The following VPS13A variants were observed in gnomAD, a reference collection of about 807,000 sequenced individuals.
VPS13A encodes the protein intermembrane lipid transfer protein VPS13A.
A neutral mutation model predicts 390.9 loss-of-function variants in VPS13A; 264 were observed. The ratio of observed to expected loss-of-function variants is 0.68; its 90% confidence interval spans 0.61 to 0.75. VPS13A has a LOEUF of 0.75. Ranked by LOEUF, VPS13A falls within the 30% of genes least tolerant of loss-of-function variation. VPS13A has a pLI of 0.00. For missense variants in VPS13A, 3,409 were observed against 3,733.9 expected (o/e 0.91, Z 2.27); for synonymous variants, 1,231 against 1,227.1 (o/e 1.00, Z -0.07).
chr9:77,290,756 A>G (rs751761469), intron 31 of VPS13A, among the ~76,000 whole-genome samples: 1 of 152,136 alleles, frequency 6.6e-6, no homozygotes, highest in African/African-American at 2.4e-5. Context: ...TTATGTTACC[A>G]TGTTTTTTAA....
intron 67 of VPS13A, among the ~76,000 whole-genome samples, chr9:77,376,671 A>G (rs1223849657): frequency 6.6e-6 from 1 of 152,196 alleles, no homozygotes; most frequent in Non-Finnish European, 1.5e-5. Context: ...TAAGCTTAAA[A>G]TATCTCTTAG....
intron 22 of VPS13A, 75 bp from the exon 23 acceptor site, chr9:77,260,011 A>AG: frequency 1.0e-6 from 1 of 982,028 alleles, no homozygotes; most frequent in Non-Finnish European, 1.5e-6. Context: ...ATAATTTGAG[A>AG]ACAGTCTTTT....
At chr9:77,275,409 G>A (rs1331913021) in intron 24 of VPS13A, 89 bp from the exon 25 acceptor site, 2 of 1,221,594 alleles carry the variant, frequency 1.6e-6, no homozygotes, top group Non-Finnish European at 2.4e-6. Context: ...GAGAGCCTTA[G>A]TGTTTTAGTG....
At chr9:77,347,417 C>T (rs1039434252) in intron 52 of VPS13A, among the ~76,000 whole-genome samples, 1 of 152,120 alleles carries the variant, frequency 6.6e-6, no homozygotes, top group Admixed American at 6.5e-5. Flanking sequence ...AGTAACCCTC[C>T]ATTTCTTATC....
At chr9:77,377,217 T>TTTTG (rs1563974638) in intron 67 of VPS13A, among the ~76,000 whole-genome samples, 1 of 96,614 alleles carries the variant, frequency 1.0e-5, no homozygotes, top group African/African-American at 3.5e-5. Context: ...TTTTTTTTTT[T>TTTTG]TTTTTTTTTT....
chr9:77,396,271 T>TA (rs1782188008), intron 68 of VPS13A, among the ~76,000 whole-genome samples: 1 of 152,220 alleles, frequency 6.6e-6, no homozygotes, highest in Admixed American at 6.5e-5. Flanking sequence ...AGTAGTTTCT[T>TA]ACACTTGATT....
chr9:77,300,603 A>G (rs184066431), intron 33 of VPS13A, among the ~76,000 whole-genome samples: 1 of 152,302 alleles, frequency 6.6e-6, no homozygotes, highest in East Asian at 1.9e-4. Context: ...GTGGTGGCAT[A>G]TGCCTGTCAT....
chr9:77,367,952 A>G, intron 61 of VPS13A, 103 bp from the exon 62 acceptor site: 1 of 1,076,534 alleles, frequency 9.3e-7, no homozygotes. Context: ...CTAGAAGGAA[A>G]GGTTTGGAGA....
intron 5 of VPS13A, among the ~76,000 whole-genome samples, chr9:77,208,147 A>G (rs915711832): frequency 2.0e-5 from 3 of 152,188 alleles, no homozygotes; most frequent in Non-Finnish European, 4.4e-5. Flanking sequence ...AAAAGAAAAG[A>G]TTTTATTAGG....
chr9:77,395,280 C>T (rs1834076989), intron 68 of VPS13A, among the ~76,000 whole-genome samples: 2 of 151,954 alleles, frequency 1.3e-5, no homozygotes, highest in South Asian at 2.1e-4. Flanking sequence ...TGTTGTTTCT[C>T]ACGTAATAGG....
intron 35 of VPS13A, 98 bp from the exon 36 acceptor site, chr9:77,313,894 T>C: frequency 7.8e-7 from 1 of 1,282,362 alleles, no homozygotes; most frequent in Non-Finnish European, 1.1e-6. Flanking sequence ...CATTTTACTA[T>C]ACCTGTTTAA....
Position 77,215,764 on chromosome 9 carries a change from A to G in VPS13A, c.754+1378A>G, listed in dbSNP as rs112771762. On this transcript the variant is annotated intron_variant, in intron 10 of 71. Coordinates refer to ENST00000360280, the MANE Select transcript of VPS13A (RefSeq NM_033305.3). The stretch of plus-strand genomic sequence containing the variant: ...CTTGTTGGAGGACATAGCGTGGCTT[A>G]TTGAATGGCAGGAAATTATCTGTGG... Among the ~76,000 whole-genome samples the G allele has an allele frequency of 6.2e-3, 952 of 152,366 alleles. 11 individuals are homozygous for G. The highest frequency in any genetic ancestry group is 0.021 in the African/African-American group (894 of 41,590).
rs559921716 is a variant in VPS13A, at chr9:77,189,856, T to C, written c.101-10089T>C. ...TCTATTCCTAGGCATTTTATTCTTT[T>C]TGTGGCGATTGTGAATGGGATTGAA... is the stretch of plus-strand genomic sequence containing the variant. On this transcript the variant is annotated intron_variant, in intron 1 of 71. Transcript: ENST00000360280. Among the ~76,000 whole-genome samples the C allele has an allele frequency of 1.1e-4, 16 of 152,192 alleles. 1 individual carries two copies. The highest frequency in any genetic ancestry group is 6.3e-4 in the South Asian group (3 of 4,800).
intron 31 of VPS13A, among the ~76,000 whole-genome samples, chr9:77,289,099 G>T (rs1336328290): frequency 2.6e-5 from 4 of 152,058 alleles, no homozygotes; most frequent in African/African-American, 9.7e-5. Context: ...CTTGTTTAAA[G>T]TGGGTTTCTG....
intron 39 of VPS13A, 50 bp downstream of exon 39, chr9:77,316,456 G>A: frequency 6.5e-7 from 1 of 1,528,518 alleles, no homozygotes; most frequent in Non-Finnish European, 9.1e-7. Context: ...TTTGGATGTA[G>A]TGTATACCAT....
rs960695786 is a variant in VPS13A at position 77,275,248 on chromosome 9, A to G, written c.2513-250A>G. ...ATGGGCTTCTTAAGCTAAAGATTAC[A>G]TCTTAATAATGTTCCATGCTTCTTT... On this transcript the variant is annotated intron_variant, in intron 24 of 71. Transcript: ENST00000360280. Among the ~76,000 whole-genome samples, 69 of 152,176 alleles carry G rather than the reference A, an allele frequency of 4.5e-4. 3 individuals carry two copies. The highest frequency in any genetic ancestry group is 1.5e-5 in the Non-Finnish European group (1 of 67,998).
intron 63 of VPS13A, among the ~76,000 whole-genome samples, chr9:77,369,833 A>G (rs936152551): frequency 6.6e-6 from 1 of 152,198 alleles, no homozygotes; most frequent in Non-Finnish European, 1.5e-5. Context: ...CCACGTATAA[A>G]TGTATAGGGA....
At chr9:77,353,263 ATATTAATTCAT>A in intron 53 of VPS13A, 135 bp from the exon 54 acceptor site, 1 of 632,732 alleles carries the variant, frequency 1.6e-6, no homozygotes, top group Non-Finnish European at 2.8e-6. Context: ...TATTCTACAA[ATATTAATTCAT>A]TTAGTTGCCA....
In VPS13A at chr9:77,419,375, G is replaced by T. The variant is rs183847035; in HGVS notation, c.*3369G>T. 6.6e-6 allele frequency: 1 copy of T among 152,166 alleles called. No homozygotes were observed. The highest frequency in any genetic ancestry group is 1.9e-4 in the East Asian group (1 of 5,184). The allele number at this position is 152,166 out of a possible 1,614,324, so 9.4% of individuals were successfully genotyped here. On this transcript the variant is annotated 3_prime_UTR_variant, in exon 72 of 72. Transcript: ENST00000360280. Reference sequence around the variant, plus strand: ...AATATTCTATTTACTGTGTATACTGGGTCACAATATAAAGTGTTTCCTGTT... The same window carrying T: ...AATATTCTATTTACTGTGTATACTGTGTCACAATATAAAGTGTTTCCTGTT...
Sources: allele counts gnomAD v4.1 joint callset (sites outside exome capture counted in the v4.1 genomes callset), GRCh38; gene constraint gnomAD v4.1.1; transcripts MANE v1.5; gene names NCBI Gene and HGNC (gene_info 2026-07-23, HGNC 2026-07-21).